SUMF1: variants seen among roughly 807,000 people sequenced by gnomAD.
SUMF1 encodes sulfatase modifying factor 1, also known as formylglycine-generating enzyme.
SUMF1 carries 48 observed loss-of-function variants against 47.6 expected under a neutral mutation model. The ratio of observed to expected loss-of-function variants is 1.01; its 90% CI spans 0.80 to 1.28. SUMF1 has a LOEUF of 1.28. Among genes scored for constraint, SUMF1 ranks in the 50% most tolerant of loss-of-function variants. SUMF1 has a pLI of 0.00. For missense variants in SUMF1, 571 were observed against 485.4 expected, an observed-to-expected ratio of 1.18 and a Z score of -1.66; for synonymous variants, 230 against 192.1, an observed-to-expected ratio of 1.20 and a Z score of -1.63.
intron 8 of SUMF1, among the ~76,000 whole-genome samples, chr3:4,366,155 T>C (rs1394886685): frequency 6.6e-6 from 1 of 151,926 alleles, no homozygotes; most frequent in East Asian, 1.9e-4. Context: ...TAGCATTTTT[T>C]CCTTCATTTC....
intron 8 of SUMF1, chr3:4,316,568 G>A (rs1312199444): frequency 6.4e-7 from 1 of 1,553,402 alleles, no homozygotes; most frequent in Middle Eastern, 1.7e-4. Context: ...TCGATAAGTG[G>A]GTGCCTCATG....
Position 4,312,433 on chromosome 3 carries a change from CATA to C in SUMF1, c.1014+63894_1014+63896del, listed in dbSNP as rs759328446. On this transcript the variant is annotated intron_variant and NMD_transcript_variant, in intron 8 of 12. Coordinates refer to the SUMF1 transcript ENST00000448413. ...ATTTTTCTTATTGTCCTTATACATA[CATA>C]ATAATACATATATATGTCCTTATGT... Among the ~76,000 whole-genome samples the C allele has an allele frequency of 3.3e-5, 5 of 151,962 alleles. No homozygotes were observed. In the East Asian group the frequency reaches 5.8e-4, roughly 18 times the overall value.
chr3:4,204,925 C>A (rs1695619367), intron 8 of SUMF1, among the ~76,000 whole-genome samples: 1 of 151,974 alleles, frequency 6.6e-6, no homozygotes, highest in Non-Finnish European at 1.5e-5. Flanking sequence ...TTCCTCAAAA[C>A]AGCTATTTTG....
At chr3:4,384,630 G>A (rs1427878936) in intron 7 of SUMF1, among the ~76,000 whole-genome samples, 3 of 152,030 alleles carry the variant, frequency 2.0e-5, no homozygotes, top group East Asian at 1.9e-4. Context: ...TAATTCTCCG[G>A]AGATTCATCC....
At chr3:4,139,527 ATG>A (rs915972446) in intron 8 of SUMF1, among the ~76,000 whole-genome samples, 14 of 150,686 alleles carry the variant, frequency 9.3e-5, no homozygotes, top group African/African-American at 2.7e-4. Context: ...ATATACATGC[ATG>A]TGTGTGTGTA....
At chr3:4,405,696 G>A (rs1329503197) in intron 7 of SUMF1, among the ~76,000 whole-genome samples, 1 of 152,060 alleles carries the variant, frequency 6.6e-6, no homozygotes. Flanking sequence ...CATATCCGAG[G>A]TCAATTCCAT....
intron 8 of SUMF1, among the ~76,000 whole-genome samples, chr3:4,162,732 C>G (rs1048524067): frequency 6.6e-6 from 1 of 152,152 alleles, no homozygotes; most frequent in Non-Finnish European, 1.5e-5. Context: ...TTCCTGCCCT[C>G]TTCAATGCCT....
intron 8 of SUMF1, among the ~76,000 whole-genome samples, chr3:4,216,965 A>C (rs1425651462): frequency 6.6e-6 from 1 of 152,198 alleles, no homozygotes; most frequent in African/African-American, 2.4e-5. Flanking sequence ...GCAATCCCTC[A>C]AGGATCTAGA....
At chr3:4,171,930 C>T (rs952302924) in intron 8 of SUMF1, among the ~76,000 whole-genome samples, 2 of 152,134 alleles carry the variant, frequency 1.3e-5, no homozygotes, top group Non-Finnish European at 2.9e-5. Context: ...CAGAGGAAAG[C>T]ATACTCCACC....
intron 8 of SUMF1, among the ~76,000 whole-genome samples, chr3:4,190,673 C>T (rs1695295398): frequency 6.6e-6 from 1 of 152,058 alleles, no homozygotes; most frequent in African/African-American, 2.4e-5. Context: ...GGAACTTTCC[C>T]AAGGTCACAT....
chr3:4,406,337 C>T (rs1178294710), intron 7 of SUMF1, among the ~76,000 whole-genome samples: 2 of 152,164 alleles, frequency 1.3e-5, no homozygotes, highest in African/African-American at 4.8e-5. Flanking sequence ...ATCCAAGTTA[C>T]TTTGGTTTAT....
In SUMF1 at chr3:4,041,230, C is replaced by G. The variant is rs141270768; in HGVS notation, c.1191+27339G>C. Among the ~76,000 whole-genome samples, 1,243 of 152,224 alleles carry G rather than the reference C, an allele frequency of 8.2e-3. 15 individuals carry two copies. The highest frequency in any genetic ancestry group is 0.028 in the African/African-American group (1,183 of 41,532). Reference sequence around the variant, plus strand: ...GGGACTACAGGCACACACCACCATGCCCAGGTAATTTTTGTATTTTTACTA... The same window carrying G: ...GGGACTACAGGCACACACCACCATGGCCAGGTAATTTTTGTATTTTTACTA... On this transcript the variant is annotated intron_variant and NMD_transcript_variant, in intron 9 of 12. Coordinates refer to the SUMF1 transcript ENST00000448413.
chr3:4,122,745 G>C (rs1270378182), intron 8 of SUMF1, among the ~76,000 whole-genome samples: 3 of 152,134 alleles, frequency 2.0e-5, no homozygotes, highest in Non-Finnish European at 4.4e-5. Flanking sequence ...GCTGTGATGT[G>C]GTTAACTAGT....
chr3:4,082,771 G>C (rs1368417173), intron 8 of SUMF1, among the ~76,000 whole-genome samples: 2 of 152,036 alleles, frequency 1.3e-5, no homozygotes, highest in South Asian at 2.1e-4. Context: ...TCCTGTTTGG[G>C]GGAGATTAGA....
At chr3:4,151,155 C>G (rs1694310114) in intron 8 of SUMF1, among the ~76,000 whole-genome samples, 1 of 151,014 alleles carries the variant, frequency 6.6e-6, no homozygotes, top group African/African-American at 2.5e-5. Context: ...AACAAGCAAA[C>G]ACATGACTAT....
chr3:4,068,497 ATGTT>A (rs572852102), intron 9 of SUMF1: 18 of 177,894 alleles, frequency 1.0e-4, no homozygotes, highest in Non-Finnish European at 2.2e-4. Flanking sequence ...CAATATAAAA[ATGTT>A]TGTGGGGTTT....
At chr3:4,103,546 TA>T (rs1259967813) in intron 8 of SUMF1, among the ~76,000 whole-genome samples, 1 of 152,148 alleles carries the variant, frequency 6.6e-6, no homozygotes, top group Non-Finnish European at 1.5e-5. Context: ...CTTGATATTC[TA>T]TCTCCCTTCT....
At chr3:4,145,276 G>A (rs1461414682) in intron 8 of SUMF1, among the ~76,000 whole-genome samples, 2 of 150,888 alleles carry the variant, frequency 1.3e-5, no homozygotes, top group African/African-American at 2.4e-5. Context: ...TCATTGCTGA[G>A]TGCCAGAATC....
chr3:4,460,599 A>T lies in SUMF1; in HGVS notation c.270+6377T>A, dbSNP rs55650028. Among the ~76,000 whole-genome samples the T allele has an allele frequency of 2.5e-3, 354 of 143,600 alleles. 2 individuals carry two copies. The highest frequency in any genetic ancestry group is 8.6e-3 in the African/African-American group (336 of 39,106). The allele number at this position is 143,600 out of a possible 152,430, so 94.2% of individuals were successfully genotyped here. A position where few individuals can be genotyped will look rare whatever the true frequency, so the allele number is the denominator to read the frequency against. On this transcript the variant is annotated intron_variant, in intron 1 of 8. Coordinates refer to ENST00000272902, the MANE Select transcript of SUMF1 (RefSeq NM_182760.4). ...CTAGCTCATGTGCCCTCACACACAC[A>T]GTGTGTGTGTGTGTGTGTGTGTGTG...
Sources: gnomAD v4.1 joint callset for allele counts (sites outside exome capture counted in the v4.1 genomes callset) on GRCh38, gnomAD v4.1.1 for gene constraint, MANE v1.5 for transcripts, NCBI Gene and HGNC (gene_info 2026-07-23, HGNC 2026-07-21) for gene names.